ACTR3C: variants seen among roughly 807,000 people sequenced by gnomAD.
The protein encoded by ACTR3C is actin related protein 3C.
A neutral mutation model predicts 26.3 loss-of-function variants in ACTR3C; 18 were observed. That is an observed-to-expected ratio of 0.68 (90% CI 0.47 to 1.01). The LOEUF is 1.01. Among genes scored for constraint, ACTR3C ranks in the 50% least tolerant of loss-of-function variants. The probability of loss-of-function intolerance (pLI) is 0.00; values close to 1 mark genes in which losing one functional copy is unlikely to be tolerated. For missense variants in ACTR3C, 184 were observed against 250.7 expected, an observed-to-expected ratio of 0.73 and a Z score of 1.80; for synonymous variants, 55 against 94.5, an observed-to-expected ratio of 0.58 and a Z score of 2.42.
the ACTR3C span, among the ~76,000 whole-genome samples, chr7:149,903,079 G>A: frequency 9.0e-6 from 1 of 110,928 alleles, no homozygotes. Flanking sequence ...ATTAAACTAG[G>A]AATAGAAGAG....
chr7:149,992,445 G>A, the ACTR3C span, among the ~76,000 whole-genome samples: 13 of 152,212 alleles, frequency 8.5e-5, no homozygotes, highest in Admixed American at 7.2e-4. Flanking sequence ...CAATTTTCTA[G>A]CCACTGACAA....
At chr7:150,134,232 T>TAAAAA in the ACTR3C span, among the ~76,000 whole-genome samples, 16 of 125,080 alleles carry the variant, frequency 1.3e-4, no homozygotes, top group Non-Finnish European at 1.6e-4. Context: ...CTATATGCAG[T>TAAAAA]AAAAAAAAAA....
chr7:150,054,039 G>T, the ACTR3C span, among the ~76,000 whole-genome samples: 3 of 152,304 alleles, frequency 2.0e-5, no homozygotes, highest in Non-Finnish European at 2.9e-5. Flanking sequence ...CACAATGACT[G>T]TGAAACATAA....
chr7:150,049,814 C>A, the ACTR3C span, among the ~76,000 whole-genome samples: 2 of 152,258 alleles, frequency 1.3e-5, no homozygotes, highest in Non-Finnish European at 2.9e-5. Flanking sequence ...CTTCTGTTTA[C>A]TCCACAGTAG....
At chr7:150,134,265 C>T in the ACTR3C span, among the ~76,000 whole-genome samples, 1 of 148,608 alleles carries the variant, frequency 6.7e-6, no homozygotes, top group East Asian at 2.0e-4. Flanking sequence ...ACAGGACAGA[C>T]TGTTTAATTA....
the ACTR3C span, among the ~76,000 whole-genome samples, chr7:150,209,764 A>ACACAC: frequency 6.8e-5 from 6 of 88,632 alleles, no homozygotes; most frequent in Admixed American, 1.0e-4. Flanking sequence ...CACACACACA[A>ACACAC]AATTAGCTGG....
At chr7:149,953,602 T>C in the ACTR3C span, among the ~76,000 whole-genome samples, 1 of 152,206 alleles carries the variant, frequency 6.6e-6, no homozygotes, top group African/African-American at 2.4e-5. Context: ...GTTAGAACTT[T>C]CAGGATTGGG....
the ACTR3C span, among the ~76,000 whole-genome samples, chr7:150,075,945 T>G: frequency 3.3e-5 from 5 of 152,146 alleles, no homozygotes; most frequent in Non-Finnish European, 7.4e-5. Flanking sequence ...TACAGTTACT[T>G]AGCAAAGAGT....
intron 5 of ACTR3C, among the ~76,000 whole-genome samples, chr7:150,286,154 T>A (rs1412232145): frequency 6.6e-6 from 1 of 152,170 alleles, no homozygotes; most frequent in Non-Finnish European, 1.5e-5. Flanking sequence ...ATTTGTGGTA[T>A]AACCCATCCT....
At chr7:150,295,129 G>C (rs1206215825) in intron 2 of ACTR3C, 123 bp downstream of exon 2, 1 of 1,169,154 alleles carries the variant, frequency 8.6e-7, no homozygotes, top group African/African-American at 1.6e-5. Context: ...GGGGACGGGG[G>C]AGGGAGTGGA....
At chr7:150,170,548 C>T in the ACTR3C span, among the ~76,000 whole-genome samples, 1 of 150,764 alleles carries the variant, frequency 6.6e-6, no homozygotes, top group Non-Finnish European at 1.5e-5. Flanking sequence ...GCCCATTGAA[C>T]TCAGTCTCTA....
At chr7:150,229,097 C>A in the ACTR3C span, among the ~76,000 whole-genome samples, 1 of 152,068 alleles carries the variant, frequency 6.6e-6, no homozygotes, top group Admixed American at 6.6e-5. Flanking sequence ...ATCTTTGGAA[C>A]TTTCTTGATA....
At chr7:150,036,143 C>T in the ACTR3C span, among the ~76,000 whole-genome samples, 880 of 82,072 alleles carry the variant, frequency 0.011, 38 homozygotes, top group African/African-American at 0.042. Context: ...TCTGAGTCCC[C>T]GCCTCGTGGG....
At chr7:150,319,803 C>T (rs982788793) in intron 1 of ACTR3C, among the ~76,000 whole-genome samples, 1 of 152,188 alleles carries the variant, frequency 6.6e-6, no homozygotes, top group African/African-American at 2.4e-5. Flanking sequence ...CTTTCTGTCA[C>T]CCCTGCAAAC....
the ACTR3C span, among the ~76,000 whole-genome samples, chr7:149,898,722 C>A: frequency 6.6e-6 from 1 of 151,700 alleles, no homozygotes; most frequent in Non-Finnish European, 1.5e-5. Context: ...AAATAATAAT[C>A]AAAAAGAATA....
the ACTR3C span, among the ~76,000 whole-genome samples, chr7:149,917,121 G>A: frequency 2.0e-5 from 3 of 148,180 alleles, no homozygotes; most frequent in Non-Finnish European, 4.4e-5. Context: ...TGTTGCCCAG[G>A]CTGGAGTGCA....
At chr7:150,171,122 G>A in the ACTR3C span, among the ~76,000 whole-genome samples, 1 of 135,574 alleles carries the variant, frequency 7.4e-6, no homozygotes, top group Non-Finnish European at 1.5e-5. Context: ...AAACCTGACC[G>A]ACTTTTTATC....
At chr7:150,244,025 T>C (rs1282739055), downstream of ACTR3C, 3 of 151,806 alleles carry the variant, frequency 2.0e-5, no homozygotes, top group Non-Finnish European at 4.4e-5. Flanking sequence ...AGTTTAGTAC[T>C]CTCATTGTAT....
At chr7:150,096,428 T>C in the ACTR3C span, among the ~76,000 whole-genome samples, 4 of 151,340 alleles carry the variant, frequency 2.6e-5, no homozygotes, top group Non-Finnish European at 5.9e-5. Flanking sequence ...TAAATGTTGA[T>C]TGATTTACTA....
Sources: gnomAD v4.1 joint callset for allele counts (sites outside exome capture counted in the v4.1 genomes callset) on GRCh38, gnomAD v4.1.1 for gene constraint, MANE v1.5 for transcripts, NCBI Gene and HGNC (gene_info 2026-07-23, HGNC 2026-07-21) for gene names.